C3orf22: variants seen among roughly 807,000 people sequenced by gnomAD.
C3orf22 encodes the protein chromosome 3 open reading frame 22, also known as uncharacterized protein C3orf22.
A neutral mutation model predicts 10.8 loss-of-function variants in C3orf22; 7 were observed. The ratio of observed to expected loss-of-function variants is 0.65; its 90% confidence interval spans 0.37 to 1.22. C3orf22 has a LOEUF of 1.22. Among genes scored for constraint, C3orf22 ranks in the 50% most tolerant of loss-of-function variants. C3orf22 has a pLI of 0.02. For synonymous variants in C3orf22, 79 were observed against 78.9 expected (o/e 1.00, Z 0.00); for missense variants, 173 against 177.0 (o/e 0.98, Z 0.13).
At chr3:126,539,552 A>T (rs1170665244) in intron 4 of C3orf22, among the ~76,000 whole-genome samples, 1 of 145,450 alleles carries the variant, frequency 6.9e-6, no homozygotes, top group Non-Finnish European at 1.5e-5. Context: ...CACACCGCAC[A>T]CACACTGCAC....
intron 4 of C3orf22, chr3:126,541,702 G>A (rs1936959515): frequency 7.1e-7 from 1 of 1,412,288 alleles, no homozygotes; most frequent in Non-Finnish European, 9.2e-7. Flanking sequence ...GCCCTGACGC[G>A]TCCCCCTGTC....
At chr3:126,533,844 A>C (rs978181995) in intron 4 of C3orf22, among the ~76,000 whole-genome samples, 1 of 152,022 alleles carries the variant, frequency 6.6e-6, no homozygotes, top group Non-Finnish European at 1.5e-5. Flanking sequence ...AAGCCATCTG[A>C]TCCTGGGCTT....
At chr3:126,554,726 C>T (rs1171485196) in intron 1 of C3orf22, among the ~76,000 whole-genome samples, 2 of 152,298 alleles carry the variant, frequency 1.3e-5, no homozygotes, top group East Asian at 3.9e-4. Context: ...AGCATGCCAC[C>T]ACACGGGACC....
At position 126,549,843 on chromosome 3, in the gene C3orf22, G is replaced by A. The variant is rs574117312; in HGVS notation, c.*25C>T. ...CTGCCAAGGAGAAGGTGGCCAATAA[G>A]AAGGCCACACACAGAGCCCAGTCTC... On this transcript the variant is annotated 3_prime_UTR_variant, in exon 4 of 4. Coordinates refer to ENST00000318225, the MANE Select transcript of C3orf22 (RefSeq NM_152533.3). The A allele has an allele frequency of 6.3e-7, 1 of 1,589,086 alleles. No individual in the cohort carries two copies. Among genetic ancestry groups the A allele is most frequent in the East Asian group, 2.2e-5 (1 of 44,568 alleles).
chr3:126,544,310 A>C (rs1937032044), intron 4 of C3orf22, among the ~76,000 whole-genome samples: 1 of 152,198 alleles, frequency 6.6e-6, no homozygotes, highest in Admixed American at 6.5e-5. Flanking sequence ...CACCAGATGC[A>C]GTCCCTAACG....
intron 1 of C3orf22, among the ~76,000 whole-genome samples, chr3:126,554,511 G>A (rs1937281008): frequency 6.6e-6 from 1 of 152,116 alleles, no homozygotes; most frequent in Non-Finnish European, 1.5e-5. Context: ...TGATCCATCC[G>A]CCTCGGCCTC....
chr3:126,534,259 G>T (rs1318654036), intron 4 of C3orf22, among the ~76,000 whole-genome samples: 1 of 152,152 alleles, frequency 6.6e-6, no homozygotes, highest in Non-Finnish European at 1.5e-5. Context: ...ATATTACTGA[G>T]AACATATTAA....
At chr3:126,531,445 CCTT>C (rs1322170569) in intron 4 of C3orf22, among the ~76,000 whole-genome samples, 5 of 152,248 alleles carry the variant, frequency 3.3e-5, no homozygotes, top group African/African-American at 1.2e-4. Context: ...AAGCATTTAT[CCTT>C]CTTTTCTCAC....
chr3:126,551,546 G>A (rs1937187565), intron 3 of C3orf22, among the ~76,000 whole-genome samples: 1 of 152,246 alleles, frequency 6.6e-6, no homozygotes, highest in Admixed American at 6.5e-5. Flanking sequence ...AAGGGGGCAT[G>A]AGAGTTTGTG....
At chr3:126,540,206 T>C (rs1195249554) in intron 4 of C3orf22, among the ~76,000 whole-genome samples, 1 of 152,168 alleles carries the variant, frequency 6.6e-6, no homozygotes, top group Admixed American at 6.5e-5. Flanking sequence ...TGGAAACACC[T>C]GAAGCCTTTT....
intron 4 of C3orf22, among the ~76,000 whole-genome samples, chr3:126,536,896 A>AACACACAC (rs10670471): frequency 0.012 from 1,664 of 140,458 alleles, 17 homozygotes; most frequent in African/African-American, 0.032. Flanking sequence ...CACACACACA[A>AACACACAC]ACACACACAC....
intron 3 of C3orf22, 83 bp from the exon 4 acceptor site, chr3:126,550,161 G>A: frequency 6.7e-7 from 1 of 1,486,214 alleles, no homozygotes; most frequent in South Asian, 1.3e-5. Context: ...GTCAGCCAGG[G>A]CCACATCTGG....
At chr3:126,554,409 G>A (rs911258049) in intron 1 of C3orf22, among the ~76,000 whole-genome samples, 3 of 151,990 alleles carry the variant, frequency 2.0e-5, no homozygotes, top group Non-Finnish European at 2.9e-5. Flanking sequence ...GATTACAGGC[G>A]CCTGCCACCA....
chr3:126,549,942 G>A lies in C3orf22; in HGVS notation c.352C>T (p.Leu118=), dbSNP rs778394786. The A allele has an allele frequency of 8.1e-6, 13 of 1,614,162 alleles. 1 individual carries two copies. The South Asian group carries it at 1.4e-4, about 18-fold the overall frequency. ...RRFPRQLAFL[L]STRHTEAACP... ...GCAGCCTCAGTGTGCCGGGTGGACA[G>A]CAGGAAGGCGAGTTGTCTGGGGAAG... The change falls in exon 4 of 4, where the codon CTG becomes TTG. Residue 118 remains leucine, a synonymous_variant. Coordinates refer to ENST00000318225, the MANE Select transcript of C3orf22 (RefSeq NM_152533.3).
At chr3:126,541,607 C>T (rs865862437) in intron 4 of C3orf22, 3 of 863,514 alleles carry the variant, frequency 3.5e-6, no homozygotes, top group African/African-American at 1.8e-5. Flanking sequence ...CCCTGGGGTT[C>T]GAATTTGGGT....
intron 4 of C3orf22, among the ~76,000 whole-genome samples, chr3:126,538,965 G>A (rs960066688): frequency 5.3e-5 from 8 of 152,130 alleles, no homozygotes; most frequent in South Asian, 2.1e-4. Flanking sequence ...CTGTCCTCTC[G>A]GAGGCCACCA....
At chr3:126,556,119 A>G (rs1937323052) in intron 1 of C3orf22, among the ~76,000 whole-genome samples, 1 of 152,180 alleles carries the variant, frequency 6.6e-6, no homozygotes, top group African/African-American at 2.4e-5. Context: ...GCCAGTGAGG[A>G]CCTGGCTTCA....
At position 126,558,676 on chromosome 3, in the gene C3orf22, A is replaced by C. The variant is rs1175944832; in HGVS notation, c.-90T>G. The C allele has an allele frequency of 1.3e-5, 2 of 152,308 alleles. No individual in the cohort carries two copies. The highest frequency in any genetic ancestry group is 2.9e-5 in the Non-Finnish European group (2 of 68,094). 9.4% of individuals were successfully genotyped at this position (152,308 alleles called of 1,614,324 possible). Reference sequence around the variant, plus strand: ...AGTGACGATGATCAGGTGTGATCAGAGAGTCCTGGAACTGCTCCTATCCAG... The same window carrying C: ...AGTGACGATGATCAGGTGTGATCAGCGAGTCCTGGAACTGCTCCTATCCAG... On this transcript the variant is annotated 5_prime_UTR_variant, in exon 1 of 4. Transcript: ENST00000318225.
intron 4 of C3orf22, among the ~76,000 whole-genome samples, chr3:126,543,561 A>C (rs1937017620): frequency 6.6e-6 from 1 of 152,112 alleles, no homozygotes; most frequent in African/African-American, 2.4e-5. Flanking sequence ...TTTCACCCTG[A>C]CCTGGGCCAA....
Sources: allele counts gnomAD v4.1 joint callset (sites outside exome capture counted in the v4.1 genomes callset), GRCh38; gene constraint gnomAD v4.1.1; transcripts MANE v1.5; gene names NCBI Gene and HGNC (gene_info 2026-07-23, HGNC 2026-07-21).